The following WDR59 variants were observed in gnomAD, a reference collection of about 807,000 sequenced individuals.
The protein encoded by WDR59 is GATOR2 complex protein WDR59.
Under a neutral mutation model 131.2 loss-of-function variants are expected in WDR59, and 100 were observed. That is an observed-to-expected ratio of 0.76 (90% CI 0.65 to 0.90). WDR59 has a LOEUF of 0.90. Among genes scored for constraint, WDR59 ranks in the 40% least tolerant of loss-of-function variants. The pLI is 0.00. For synonymous variants in WDR59, 601 were observed against 466.2 expected, an observed-to-expected ratio of 1.29 and a Z score of -3.72; for missense variants, 1,203 against 1,262.2, an observed-to-expected ratio of 0.95 and a Z score of 0.71.
At chr16:74,942,265 T>G (rs117279754) in intron 7 of WDR59, among the ~76,000 whole-genome samples, 1 of 152,256 alleles carries the variant, frequency 6.6e-6, no homozygotes, top group Non-Finnish European at 1.5e-5. Context: ...GTAAGCATCA[T>G]GAGCACCCTA....
intron 17 of WDR59, 67 bp from the exon 18 acceptor site, chr16:74,904,167 C>G (rs998821630): frequency 5.2e-6 from 8 of 1,544,784 alleles, no homozygotes; most frequent in Non-Finnish European, 7.0e-6. Context: ...TGGTGCTATT[C>G]TTAGCACTTG....
chr16:74,981,674 T>C (rs2034433783), intron 1 of WDR59, among the ~76,000 whole-genome samples: 2 of 95,622 alleles, frequency 2.1e-5, no homozygotes, highest in African/African-American at 4.9e-5. Context: ...TTTTTTTTTT[T>C]AGATGGAGTC....
At chr16:74,921,822 GGCTCTCTGGTTCCTAAAGCCCA>G in intron 10 of WDR59, 103 bp downstream of exon 10, 1 of 1,226,100 alleles carries the variant, frequency 8.2e-7, no homozygotes, top group Non-Finnish European at 1.1e-6. Flanking sequence ...CAACAGCCCT[GGCTCTCTGGTTCCTAAAGCCCA>G]GCTCTCTCTA....
At position 74,911,782 on chromosome 16, in the gene WDR59, T is replaced by C. The variant is rs550689006; in HGVS notation, c.1389+416A>G. Among the ~76,000 whole-genome samples, 38 of 152,338 alleles carry C rather than the reference T, an allele frequency of 2.5e-4. 1 individual carries two copies. The highest frequency in any genetic ancestry group is 7.9e-4 in the African/African-American group (33 of 41,584). ...CTTGTTGTTTTCAGGTAAATGAAAT[T>C]GGACTGCAGGGCTCCTAACCTGGGC... On this transcript the variant is annotated intron_variant, in intron 14 of 25. Coordinates refer to ENST00000262144, the MANE Select transcript of WDR59 (RefSeq NM_030581.4).
Position 74,981,637 on chromosome 16 carries a change from T to C in WDR59, c.54+3327A>G, listed in dbSNP as rs537421486. Reference sequence around the variant, plus strand: ...ACATATATATATATATATATATATATATATATATATATATATATATATATT... The same window carrying C: ...ACATATATATATATATATATATATACATATATATATATATATATATATATT... On this transcript the variant is annotated intron_variant, in intron 1 of 25. Transcript: ENST00000262144. 4.7e-3 allele frequency among the ~76,000 whole-genome samples: 149 copies of C among 31,456 alleles called. 3 individuals are homozygous for C. Among genetic ancestry groups the C allele is most frequent in the African/African-American group, 0.018 (143 of 7,868 alleles). 20.6% of individuals were successfully genotyped at this position (31,456 alleles called of 152,430 possible).
rs77900288 is a variant in WDR59, at chr16:74,873,879, T to A, written c.*330A>T. On this transcript the variant is annotated 3_prime_UTR_variant, in exon 26 of 26. Coordinates refer to ENST00000262144, the MANE Select transcript of WDR59 (RefSeq NM_030581.4). ...TGCTCGGTGGTTTAAGGCTAACACCTTACAGGGTAACACTGTAACACTGGC... is the reference window on the plus strand; with the variant it reads ...TGCTCGGTGGTTTAAGGCTAACACCATACAGGGTAACACTGTAACACTGGC... The A allele has an allele frequency of 3.4e-5, 10 of 292,016 alleles. No individual in the cohort carries two copies. Among genetic ancestry groups the A allele is most frequent in the Admixed American group, 4.7e-5 (1 of 21,118 alleles). 18.1% of individuals were successfully genotyped at this position (292,016 alleles called of 1,614,324 possible).
intron 10 of WDR59, among the ~76,000 whole-genome samples, chr16:74,921,419 C>A (rs937088091): frequency 1.3e-4 from 20 of 152,180 alleles, no homozygotes; most frequent in Non-Finnish European, 4.4e-5. Flanking sequence ...ACAATGGGTT[C>A]CTAAAAACTT....
intron 18 of WDR59, among the ~76,000 whole-genome samples, chr16:74,895,612 C>T (rs1037720924): frequency 2.6e-5 from 4 of 152,160 alleles, no homozygotes; most frequent in African/African-American, 9.7e-5. Context: ...TTTATCCATA[C>T]CCAAGTCATT....
At chr16:74,942,891 A>G in intron 6 of WDR59, 65 bp from the exon 7 acceptor site, 1 of 1,438,770 alleles carries the variant, frequency 7.0e-7, no homozygotes. Flanking sequence ...AGCAGAGCAC[A>G]GCCAGGGGAG....
chr16:74,944,613 C>A (rs2032476960), intron 6 of WDR59, among the ~76,000 whole-genome samples: 1 of 151,886 alleles, frequency 6.6e-6, no homozygotes, highest in Non-Finnish European at 1.5e-5. Flanking sequence ...AGATGGGGAC[C>A]ACAGGCTCTG....
chr16:74,974,469 T>A (rs568898671), intron 1 of WDR59, among the ~76,000 whole-genome samples: 98 of 152,268 alleles, frequency 6.4e-4, no homozygotes, highest in African/African-American at 2.3e-3. Flanking sequence ...TGTCATTTAA[T>A]CCTCACAGCT....
At chr16:74,922,205 A>G in intron 9 of WDR59, 102 bp from the exon 10 acceptor site, 1 of 1,435,752 alleles carries the variant, frequency 7.0e-7, no homozygotes, top group Non-Finnish European at 9.5e-7. Flanking sequence ...AAAATAAATT[A>G]GATAATGGAA....
At chr16:74,931,607 G>A (rs974887967) in intron 8 of WDR59, among the ~76,000 whole-genome samples, 1 of 152,114 alleles carries the variant, frequency 6.6e-6, no homozygotes, top group African/African-American at 2.4e-5. Context: ...AAAGTGCTGG[G>A]ACTACAGGTA....
chr16:74,891,128 A>C (rs1273684388), intron 20 of WDR59, among the ~76,000 whole-genome samples: 1 of 152,010 alleles, frequency 6.6e-6, no homozygotes, highest in Non-Finnish European at 1.5e-5. Context: ...AAAAAAAAAA[A>C]AAAAATCAAA....
chr16:74,910,089 T>A (rs1438648907), intron 14 of WDR59, among the ~76,000 whole-genome samples, 172 bp from the exon 15 acceptor site: 1 of 150,952 alleles, frequency 6.6e-6, no homozygotes, highest in East Asian at 2.0e-4. Context: ...TGCCTCAGCC[T>A]CCCGAGTAGC....
Position 74,874,454 on chromosome 16 carries a change from G to A in WDR59, c.2690-10C>T, listed in dbSNP as rs780881899. 1.2e-6 allele frequency: 2 copies of A among 1,612,058 alleles called. No individual in the cohort carries two copies. The highest frequency in any genetic ancestry group is 2.2e-5 in the South Asian group (2 of 90,962). On this transcript the variant is annotated splice_polypyrimidine_tract_variant and intron_variant, in intron 25 of 25. Coordinates refer to ENST00000262144, the MANE Select transcript of WDR59 (RefSeq NM_030581.4). ...CAGTACACGCCGAACTCTGGAAATG[G>A]GCAGGGACGGGCAAAACAAGAGGCA...
intron 18 of WDR59, among the ~76,000 whole-genome samples, chr16:74,897,005 A>G (rs947816114): frequency 3.3e-5 from 5 of 152,350 alleles, no homozygotes; most frequent in African/African-American, 1.2e-4. Context: ...TTTTCAGTAT[A>G]TAATTTTATA....
At chr16:74,978,008 G>T (rs2034256347) in intron 1 of WDR59, among the ~76,000 whole-genome samples, 1 of 152,074 alleles carries the variant, frequency 6.6e-6, no homozygotes, top group Non-Finnish European at 1.5e-5. Context: ...AGGAGTTCAA[G>T]ACCAGCCTGG....
At chr16:74,977,886 A>C (rs1486510102) in intron 1 of WDR59, among the ~76,000 whole-genome samples, 1 of 152,138 alleles carries the variant, frequency 6.6e-6, no homozygotes, top group Non-Finnish European at 1.5e-5. Context: ...GCTCAACAAC[A>C]AGAATGAATC....
Sources: allele counts gnomAD v4.1 joint callset (sites outside exome capture counted in the v4.1 genomes callset), GRCh38; gene constraint gnomAD v4.1.1; transcripts MANE v1.5; gene names NCBI Gene and HGNC (gene_info 2026-07-23, HGNC 2026-07-21).